UGT1A3: variants seen among roughly 807,000 people sequenced by gnomAD.
The protein encoded by UGT1A3 is UDP-glucuronosyltransferase 1A3.
A neutral mutation model predicts 41.0 loss-of-function variants in UGT1A3; 31 were observed. The ratio of observed to expected loss-of-function variants is 0.76; its 90% CI spans 0.57 to 1.02. The LOEUF (loss-of-function observed/expected upper bound fraction) is 1.02, where lower values mean the gene tolerates loss of function less well. UGT1A3 is among the 50% of genes least tolerant of loss of function. The pLI is 0.00. For synonymous variants in UGT1A3, 262 were observed against 257.6 expected (o/e 1.02, Z -0.17); for missense variants, 737 against 671.0 (o/e 1.10, Z -1.09).
In UGT1A3 at chr2:233,740,134, T is replaced by C. The variant is rs143794870; in HGVS notation, c.867+10141T>C. ...CTTATCTCTCACCTTCTGTCATGATTGTAAGTTTCCTGAGGCCTCCCCAGT... is the reference window on the plus strand; with the variant it reads ...CTTATCTCTCACCTTCTGTCATGATCGTAAGTTTCCTGAGGCCTCCCCAGT... On this transcript the variant is annotated intron_variant, in intron 1 of 4. Transcript: ENST00000482026. Among the ~76,000 whole-genome samples the C allele has an allele frequency of 9.1e-3, 1,384 of 152,004 alleles. 51 individuals carry two copies. The highest frequency in any genetic ancestry group is 0.032 in the African/African-American group (1,337 of 41,236).
chr2:233,752,951 A>G (rs745809226), intron 1 of UGT1A3, among the ~76,000 whole-genome samples: 1 of 152,216 alleles, frequency 6.6e-6, no homozygotes, highest in Admixed American at 6.5e-5. Flanking sequence ...CCACTGAACA[A>G]TGGGATTTAT....
At chr2:233,760,463 T>C in intron 1 of UGT1A3, 1 of 1,614,204 alleles carries the variant, frequency 6.2e-7, no homozygotes, top group Non-Finnish European at 8.5e-7. Context: ...GAAATAGTTG[T>C]CCTAGCACCT....
At chr2:233,743,446 AAAG>A (rs891586644) in intron 1 of UGT1A3, 1 of 1,364,544 alleles carries the variant, frequency 7.3e-7, no homozygotes, top group Non-Finnish European at 9.8e-7. Context: ...TCCTGTATCA[AAAG>A]AAGAAAAAAC....
intron 1 of UGT1A3, among the ~76,000 whole-genome samples, chr2:233,764,876 A>G (rs1378500695): frequency 1.5e-5 from 2 of 134,982 alleles, no homozygotes; most frequent in Non-Finnish European, 3.3e-5. Flanking sequence ...AGCCCAAGGG[A>G]AAAGGCAAAG....
At chr2:233,772,033 A>T (rs33979061) in intron 4 of UGT1A3, among the ~76,000 whole-genome samples, 1 of 152,088 alleles carries the variant, frequency 6.6e-6, no homozygotes, top group Non-Finnish European at 1.5e-5. Flanking sequence ...GGATGGCTTG[A>T]GCCCAGGAGT....
rs532123435 is a variant in UGT1A3 at position 233,768,784 on chromosome 2, ATGTT to A, written c.1307+349_1307+352del. Among the ~76,000 whole-genome samples the A allele has an allele frequency of 2.0e-5, 3 of 151,986 alleles. No homozygotes were observed. The South Asian group carries it at 6.2e-4, about 32-fold the overall frequency. On this transcript the variant is annotated intron_variant, in intron 4 of 4. Coordinates refer to ENST00000482026, the MANE Select transcript of UGT1A3 (RefSeq NM_019093.4). ...TTTTTAGTAGAGAAAGGGTTTCACC[ATGTT>A]TGTCAGGCTGGTCTTGAACTCCTGA...
Position 233,769,406 on chromosome 2 carries a change from T to C in UGT1A3, c.1307+967T>C. Reference sequence around the variant, plus strand: ...AATAGATACTGTGTGCATATGTGCGTGTGCGTTTGTGCATGTGGCTGTGCT... The same window carrying C: ...AATAGATACTGTGTGCATATGTGCGCGTGCGTTTGTGCATGTGGCTGTGCT... On this transcript the variant is annotated intron_variant, in intron 4 of 4. Transcript: ENST00000482026. This position sits in a 1 kb window ranked among gnomAD's most constrained non-coding sequence, Gnocchi z 4.4. 1 of 1,252,262 alleles carries C rather than the reference T, an allele frequency of 8.0e-7. No individual in the cohort carries two copies. Among genetic ancestry groups the C allele is most frequent in the Non-Finnish European group, 1.1e-6 (1 of 876,920 alleles). The allele number at this position is 1,252,262 out of a possible 1,614,324, so 77.6% of individuals were successfully genotyped here.
At position 233,772,646 on chromosome 2, in the gene UGT1A3, A is replaced by C; in HGVS notation, c.*87A>C. 6.5e-7 allele frequency: 1 copy of C among 1,549,870 alleles called. No homozygotes were observed. The highest frequency in any genetic ancestry group is 8.7e-7 in the Non-Finnish European group (1 of 1,147,250). ...ACAGAATCAGTGTTAAATTCATTTT[A>C]TTCTTATTAAGGAAATACTTTGCAT... On this transcript the variant is annotated 3_prime_UTR_variant, in exon 5 of 5. Coordinates refer to ENST00000482026, the MANE Select transcript of UGT1A3 (RefSeq NM_019093.4).
chr2:233,763,286 C>G (rs1023575822), intron 1 of UGT1A3, among the ~76,000 whole-genome samples: 3 of 152,120 alleles, frequency 2.0e-5, no homozygotes, highest in Non-Finnish European at 2.9e-5. Context: ...ATCTGAAATT[C>G]CACTTTTTGG....
At chr2:233,765,900 A>G (rs1255156851) in intron 1 of UGT1A3, among the ~76,000 whole-genome samples, 1 of 152,060 alleles carries the variant, frequency 6.6e-6, no homozygotes, top group Non-Finnish European at 1.5e-5. Flanking sequence ...GCCACTGCTC[A>G]AACCTCTAGG....
intron 1 of UGT1A3, chr2:233,756,150 C>G (rs1696134000): frequency 6.6e-6 from 1 of 152,108 alleles, no homozygotes; most frequent in Non-Finnish European, 1.5e-5. Flanking sequence ...CTGGGGATCC[C>G]TAGGATTTCC....
intron 1 of UGT1A3, chr2:233,754,896 C>G: frequency 7.4e-7 from 1 of 1,350,638 alleles, no homozygotes; most frequent in Non-Finnish European, 9.9e-7. Flanking sequence ...GTTCCTCTGA[C>G]CCCCCAAAAT....
chr2:233,732,318 G>A (rs1386419482), intron 1 of UGT1A3, among the ~76,000 whole-genome samples: 3 of 152,170 alleles, frequency 2.0e-5, no homozygotes, highest in African/African-American at 7.2e-5. Flanking sequence ...GTCTATTTTG[G>A]CTTTTGTTGC....
chr2:233,773,203 A>T lies in UGT1A3; in HGVS notation c.*644A>T, dbSNP rs1464666615. On this transcript the variant is annotated 3_prime_UTR_variant, in exon 5 of 5. Coordinates refer to ENST00000482026, the MANE Select transcript of UGT1A3 (RefSeq NM_019093.4). ...TATGTCAAATGGAGCTGAATTTGAT[A>T]AAAACCCAAAATACAGCTATGAAGT... The T allele has an allele frequency of 6.6e-6, 1 of 152,516 alleles. No homozygotes were observed. The highest frequency in any genetic ancestry group is 2.4e-5 in the African/African-American group (1 of 41,468). 9.4% of individuals were successfully genotyped at this position (152,516 alleles called of 1,614,324 possible). A position where few individuals can be genotyped will look rare whatever the true frequency, so the allele number is the denominator to read the frequency against.
At chr2:233,754,637 G>C (rs1695540827) in intron 1 of UGT1A3, 2 of 446,646 alleles carry the variant, frequency 4.5e-6, no homozygotes, top group African/African-American at 4.1e-5. Context: ...CCCTTTCTTG[G>C]CCATTCTCAA....
chr2:233,755,761 T>G (rs1381641183), intron 1 of UGT1A3: 4 of 152,946 alleles, frequency 2.6e-5, no homozygotes, highest in African/African-American at 9.6e-5. Context: ...CATTTGCTTT[T>G]GTTCATCTGG....
chr2:233,771,578 C>T (rs531656313), intron 4 of UGT1A3: 100 of 152,372 alleles, frequency 6.6e-4, no homozygotes, highest in African/African-American at 2.3e-3. Flanking sequence ...TGGTTGTTTA[C>T]AACTTCAAAT....
chr2:233,730,374 G>C (rs986236610), intron 1 of UGT1A3, among the ~76,000 whole-genome samples: 2 of 152,170 alleles, frequency 1.3e-5, no homozygotes, highest in African/African-American at 4.8e-5. Flanking sequence ...ATGATTTTCA[G>C]GGGAAAGATG....
chr2:233,764,256 T>A (rs367961142), intron 1 of UGT1A3, among the ~76,000 whole-genome samples: 39 of 152,260 alleles, frequency 2.6e-4, no homozygotes, highest in African/African-American at 9.4e-4. Context: ...TCAGTTAATA[T>A]GTTGCTTCAC....
Sources: gnomAD v4.1 joint callset for allele counts (sites outside exome capture counted in the v4.1 genomes callset) on GRCh38, gnomAD v4.1.1 for gene constraint, Gnocchi (gnomAD v3.1) non-coding constraint, MANE v1.5 for transcripts, NCBI Gene and HGNC (gene_info 2026-07-23, HGNC 2026-07-21) for gene names.